FLT1: variants seen among roughly 807,000 people sequenced by gnomAD.
FLT1 encodes the protein fms related receptor tyrosine kinase 1, also known as vascular endothelial growth factor receptor 1.
FLT1 carries 49 observed loss-of-function variants against 156.3 expected under a neutral mutation model. The ratio of observed to expected loss-of-function variants is 0.31; its 90% confidence interval spans 0.25 to 0.40. FLT1 has a LOEUF of 0.40. Among genes scored for constraint, FLT1 ranks in the 10% least tolerant of loss-of-function variants. The pLI, the probability that FLT1 is intolerant of heterozygous loss-of-function variation, is 1.00. For synonymous variants in FLT1, 594 were observed against 583.8 expected (o/e 1.02, Z -0.25); for missense variants, 1,322 against 1,637.2 (o/e 0.81, Z 3.32).
intron 10 of FLT1, among the ~76,000 whole-genome samples, chr13:28,424,757 A>G (rs1392318814): frequency 6.6e-6 from 1 of 152,208 alleles, no homozygotes. Context: ...AGTAATGTGC[A>G]TATATTAGTC....
chr13:28,339,602 A>C (rs1872252415), intron 16 of FLT1, among the ~76,000 whole-genome samples: 1 of 152,210 alleles, frequency 6.6e-6, no homozygotes, highest in South Asian at 2.1e-4. Context: ...AAACAATTAT[A>C]TGATGGTCTT....
At chr13:28,320,756 C>T (rs913415137) in intron 23 of FLT1, among the ~76,000 whole-genome samples, 1 of 152,038 alleles carries the variant, frequency 6.6e-6, no homozygotes, top group Non-Finnish European at 1.5e-5. Flanking sequence ...TAGGCCAGCA[C>T]ACTGTAGCGT....
chr13:28,441,136 A>T (rs541825977), intron 3 of FLT1, among the ~76,000 whole-genome samples: 13 of 152,344 alleles, frequency 8.5e-5, no homozygotes, highest in Admixed American at 6.5e-4. Flanking sequence ...AAAATGGCAC[A>T]GTTTAACCGG....
In FLT1 at chr13:28,433,921, T is replaced by G. The variant is rs1393484112; in HGVS notation, c.711A>C (p.Pro237=). The change falls in exon 6 of 30, where the codon CCA becomes CCC. Residue 237 remains proline, a synonymous_variant. Transcript: ENST00000282397. The stretch of plus-strand genomic sequence containing the variant: ...GGCCTCTAAGTAATTTGACTGGGCG[T>G]GGTGTGCTTATTTGGACATCTATGA... ...NTIIDVQIST[P]RPVKLLRGHT... The G allele has an allele frequency of 3.7e-6, 6 of 1,614,016 alleles. No individual in the cohort carries two copies. The Admixed American group carries it at 8.3e-5, about 22-fold the overall frequency.
intron 15 of FLT1, among the ~76,000 whole-genome samples, chr13:28,350,956 C>T (rs983831161): frequency 6.6e-6 from 1 of 151,320 alleles, no homozygotes; most frequent in African/African-American, 2.4e-5. Context: ...CTCTCCCTCT[C>T]TCCCTCCCTC....
At chr13:28,484,742 G>C (rs542142507) in intron 1 of FLT1, among the ~76,000 whole-genome samples, 1 of 152,088 alleles carries the variant, frequency 6.6e-6, no homozygotes, top group Non-Finnish European at 1.5e-5. Flanking sequence ...AGGCTTGAAG[G>C]CATGGTAGGA....
intron 12 of FLT1, among the ~76,000 whole-genome samples, chr13:28,390,741 G>A (rs917944872): frequency 2.6e-5 from 4 of 152,318 alleles, no homozygotes; most frequent in African/African-American, 9.6e-5. Flanking sequence ...CTACTGGCAA[G>A]TGACACTGGC....
At chr13:28,321,354 C>T (rs1331271201) in intron 23 of FLT1, 109 bp downstream of exon 23, 1 of 1,354,926 alleles carries the variant, frequency 7.4e-7, no homozygotes, top group Non-Finnish European at 1.0e-6. Flanking sequence ...CACAGAAAGC[C>T]AATGATGGTT....
At chr13:28,386,279 A>G in intron 13 of FLT1, 1 of 1,047,834 alleles carries the variant, frequency 9.5e-7, no homozygotes, top group Non-Finnish European at 1.2e-6. Context: ...CAGGATTAGC[A>G]TTTGTTAAAG....
rs927559665 is a variant in FLT1 at position 28,322,632 on chromosome 13, G to A, written c.2953+158C>T. ...GTTCCCTGTCAAAATTAGTAACTCT[G>A]TAAATTATCTTAATTCAAATCTTAT... On this transcript the variant is annotated intron_variant, in intron 21 of 29. Transcript: ENST00000282397. The surrounding 1 kb of genome is among the most constrained non-coding windows in gnomAD (Gnocchi z 4.3). The A allele has an allele frequency of 3.8e-6, 3 of 795,788 alleles. No homozygotes were observed. Among genetic ancestry groups the A allele is most frequent in the Non-Finnish European group, 6.4e-6 (3 of 467,272 alleles). The allele number at this position is 795,788 out of a possible 1,614,324, so 49.3% of individuals were successfully genotyped here.
At chr13:28,472,742 A>C (rs1360800464) in intron 1 of FLT1, among the ~76,000 whole-genome samples, 1 of 152,176 alleles carries the variant, frequency 6.6e-6, no homozygotes, top group Non-Finnish European at 1.5e-5. Context: ...TGTTGTGGCC[A>C]TGGGCGGGCC....
At chr13:28,421,843 G>A (rs578018466) in intron 10 of FLT1, among the ~76,000 whole-genome samples, 7 of 152,270 alleles carry the variant, frequency 4.6e-5, no homozygotes, top group African/African-American at 1.4e-4. Context: ...TAGGAAAGGG[G>A]AAGCACGACC....
Position 28,427,136 on chromosome 13 carries a change from G to A in FLT1, c.1436+23C>T, listed in dbSNP as rs779327125. ...GGTGTCAAAAAGTATTTGAAAGTTA[G>A]TAAAAAAACTGACTGTCCCTACCTT... On this transcript the variant is annotated intron_variant, in intron 10 of 29. Transcript: ENST00000282397. 3.7e-6 allele frequency: 6 copies of A among 1,609,802 alleles called. No individual in the cohort carries two copies. The South Asian group carries it at 5.5e-5, about 15-fold the overall frequency.
intron 12 of FLT1, among the ~76,000 whole-genome samples, chr13:28,394,373 G>A (rs17537653): frequency 0.16 from 25,085 of 152,084 alleles, 2,369 homozygotes; most frequent in Admixed American, 0.27. Flanking sequence ...GATAAGCCTT[G>A]GGATCTAGAA....
At chr13:28,361,588 A>G (rs1055643631) in intron 14 of FLT1, among the ~76,000 whole-genome samples, 1 of 152,202 alleles carries the variant, frequency 6.6e-6, no homozygotes, top group African/African-American at 2.4e-5. Context: ...TATGAACAAA[A>G]GATCTGAGGG....
chr13:28,302,865 T>C lies in FLT1; in HGVS notation c.*302A>G. 2.2e-6 allele frequency: 1 copy of C among 453,014 alleles called. No homozygotes were observed. Among genetic ancestry groups the C allele is most frequent in the Non-Finnish European group, 4.1e-6 (1 of 246,044 alleles). The allele number at this position is 453,014 out of a possible 1,614,324, so 28.1% of individuals were successfully genotyped here. A position where few individuals can be genotyped will look rare whatever the true frequency, so the allele number is the denominator to read the frequency against. On this transcript the variant is annotated 3_prime_UTR_variant, in exon 30 of 30. Transcript: ENST00000282397. Reference sequence around the variant, plus strand: ...TGCAGCTCCTCAATCAAACTGGTCCTGCGTGCCCTGAGGTGGCGGGGGTTG... The same window carrying C: ...TGCAGCTCCTCAATCAAACTGGTCCCGCGTGCCCTGAGGTGGCGGGGGTTG...
At chr13:28,473,781 A>AGG (rs1880356402) in intron 1 of FLT1, among the ~76,000 whole-genome samples, 2 of 60,906 alleles carry the variant, frequency 3.3e-5, no homozygotes, top group South Asian at 6.7e-4. Context: ...AAGGAAGGAA[A>AGG]GAAAGAAAGA....
intron 3 of FLT1, among the ~76,000 whole-genome samples, chr13:28,444,487 A>G (rs1878502998): frequency 6.6e-6 from 1 of 152,182 alleles, no homozygotes; most frequent in African/African-American, 2.4e-5. Flanking sequence ...TTAAAAAGCT[A>G]GTAGAACACC....
rs865995127 is a variant in FLT1, at chr13:28,460,830, G to A, written c.388+6073C>T. 1.3e-3 allele frequency among the ~76,000 whole-genome samples: 192 copies of A among 144,202 alleles called. 1 individual carries two copies. The highest frequency in any genetic ancestry group is 2.6e-3 in the African/African-American group (102 of 38,844). 94.6% of individuals were successfully genotyped at this position (144,202 alleles called of 152,430 possible). ...CACACACACACACACACACACACAC[G>A]CACGTATGTACTTTACATTTATGAG... On this transcript the variant is annotated intron_variant, in intron 3 of 29. Transcript: ENST00000282397.
Sources: allele counts gnomAD v4.1 joint callset (sites outside exome capture counted in the v4.1 genomes callset), GRCh38; gene constraint gnomAD v4.1.1; non-coding constraint Gnocchi (gnomAD v3.1); transcripts MANE v1.5; gene names NCBI Gene and HGNC (gene_info 2026-07-23, HGNC 2026-07-21).